The following ZMYM2 variants were observed in gnomAD, a reference collection of about 807,000 sequenced individuals.
ZMYM2 encodes the protein zinc finger MYM-type containing 2, also known as zinc finger MYM-type protein 2.
Under a neutral mutation model 162.8 loss-of-function variants are expected in ZMYM2, and 56 were observed. That is an observed-to-expected ratio of 0.34 (90% CI 0.28 to 0.43). ZMYM2 has a LOEUF of 0.43. ZMYM2 is among the 20% of genes least tolerant of loss of function. The probability of loss-of-function intolerance (pLI) is 1.00; values close to 1 mark genes in which losing one functional copy is unlikely to be tolerated. For synonymous variants in ZMYM2, 510 were observed against 541.6 expected (o/e 0.94, Z 0.81); for missense variants, 1,275 against 1,621.8 (o/e 0.79, Z 3.67).
At chr13:19,974,420 G>A (rs1956602529) in intron 2 of ZMYM2, among the ~76,000 whole-genome samples, 2 of 151,672 alleles carry the variant, frequency 1.3e-5, no homozygotes, top group African/African-American at 4.8e-5. Flanking sequence ...TTTATCCATT[G>A]TGTGTTGAGA....
At chr13:19,958,460 T>C (rs1358638314), upstream of ZMYM2, among the ~76,000 whole-genome samples, 2 of 132,350 alleles carry the variant, frequency 1.5e-5, no homozygotes, top group African/African-American at 5.5e-5. Flanking sequence ...GCAGACCCGG[T>C]GGGTGGGGGC....
In ZMYM2 at chr13:20,051,566, C is replaced by G; in HGVS notation, c.2426C>G (p.Thr809Arg). 2 of 1,612,982 alleles carry G rather than the reference C, an allele frequency of 1.2e-6. No individual in the cohort carries two copies. The highest frequency in any genetic ancestry group is 1.7e-6 in the Non-Finnish European group (2 of 1,179,392). ...FYCQQNEPNM[T>R]TQKGPENLHY... ...TGTCAACAAAATGAGCCCAACATGACAACTCAGAAAGGACCTGAAAACTTA... is the reference window on the plus strand; with the variant it reads ...TGTCAACAAAATGAGCCCAACATGAGAACTCAGAAAGGACCTGAAAACTTA... Residue 809 changes from threonine (T) to arginine (R), a missense_variant, in exon 13 of 25, where the codon ACA (threonine) becomes AGA (arginine). Thr to Arg is a moderately conservative substitution (Grantham distance 71). Transcript: ENST00000610343.
chr13:19,910,120 G>T, the ZMYM2 span, among the ~76,000 whole-genome samples: 1 of 151,812 alleles, frequency 6.6e-6, no homozygotes, highest in African/African-American at 2.4e-5. Context: ...CCAGCTACTC[G>T]GGAGGCTGAG....
the ZMYM2 span, among the ~76,000 whole-genome samples, chr13:19,888,550 T>G: frequency 6.6e-6 from 1 of 151,996 alleles, no homozygotes; most frequent in Non-Finnish European, 1.5e-5. Context: ...TTTTAAAAAC[T>G]ATTAACTTTG....
At chr13:19,949,167 T>C in the ZMYM2 span, among the ~76,000 whole-genome samples, 2 of 151,600 alleles carry the variant, frequency 1.3e-5, no homozygotes, top group African/African-American at 2.4e-5. Context: ...CCCAGCACTT[T>C]GGGAGGCCGA....
rs1594235071 is a variant in ZMYM2 at position 19,993,418 on chromosome 13, A to G, written c.346A>G (p.Thr116Ala). The change falls in exon 3 of 25, where the codon ACA (threonine) becomes GCA (alanine). Residue 116 changes from threonine (T) to alanine (A), a missense_variant. Transcript: ENST00000610343. ...LASQKGSVSE[T>A]IVIDDEEDME... The stretch of plus-strand genomic sequence containing the variant: ...ATCTCAGAAGGGAAGTGTAAGTGAG[A>G]CAATTGTCATTGATGATGAAGAGGA... 6.2e-7 allele frequency: 1 copy of G among 1,613,870 alleles called. No individual in the cohort carries two copies. The highest frequency in any genetic ancestry group is 8.5e-7 in the Non-Finnish European group (1 of 1,179,878).
At chr13:20,044,449 T>C (rs1954572715) in intron 12 of ZMYM2, among the ~76,000 whole-genome samples, 2 of 152,184 alleles carry the variant, frequency 1.3e-5, no homozygotes. Flanking sequence ...CTTCTCTCTG[T>C]CTTCCCTCCT....
the ZMYM2 span, among the ~76,000 whole-genome samples, chr13:19,888,851 G>A: frequency 8.6e-5 from 13 of 151,818 alleles, no homozygotes; most frequent in Admixed American, 3.3e-4. Flanking sequence ...CACCCGCCAC[G>A]GCCTCCCAAA....
At chr13:20,022,368 G>A (rs992526394) in intron 7 of ZMYM2, among the ~76,000 whole-genome samples, 3 of 152,084 alleles carry the variant, frequency 2.0e-5, no homozygotes, top group African/African-American at 2.4e-5. Flanking sequence ...CCTCATAAGC[G>A]GTGTTGTGTC....
Position 20,039,653 on chromosome 13 carries a change from T to C in ZMYM2, c.2292+2744T>C, listed in dbSNP as rs530816206. The stretch of plus-strand genomic sequence containing the variant: ...CATGCCCAGCTAATTTTTTTGTGTG[T>C]TTTTAGTAGAGATGGGATTTCACCA... On this transcript the variant is annotated intron_variant, in intron 12 of 24. Transcript: ENST00000610343. Among the ~76,000 whole-genome samples the C allele has an allele frequency of 2.6e-5, 4 of 152,174 alleles. No individual in the cohort carries two copies. In the South Asian group the frequency reaches 8.3e-4, roughly 32 times the overall value.
intron 3 of ZMYM2, among the ~76,000 whole-genome samples, chr13:19,999,696 A>G (rs766781403): frequency 9.2e-5 from 14 of 152,266 alleles, no homozygotes; most frequent in Non-Finnish European, 1.9e-4. Flanking sequence ...AGAAAGGCTG[A>G]GAGCTAGGCC....
the ZMYM2 span, among the ~76,000 whole-genome samples, chr13:19,877,211 C>CA: frequency 0.78 from 97,627 of 125,906 alleles, 37,965 homozygotes; most frequent in South Asian, 0.89. Flanking sequence ...GACTCCGTCT[C>CA]AAAAAAAAAA....
intron 17 of ZMYM2, among the ~76,000 whole-genome samples, chr13:20,062,452 A>G (rs1466000933): frequency 6.6e-6 from 1 of 152,230 alleles, no homozygotes; most frequent in Non-Finnish European, 1.5e-5. Context: ...GCATATATTG[A>G]ACAATCTGAG....
intron 12 of ZMYM2, among the ~76,000 whole-genome samples, chr13:20,041,170 T>C (rs1266315508): frequency 6.6e-6 from 1 of 152,056 alleles, no homozygotes; most frequent in Non-Finnish European, 1.5e-5. Context: ...CTGATACTGT[T>C]ATTGGAGCAT....
intron 3 of ZMYM2, among the ~76,000 whole-genome samples, chr13:19,996,124 A>G (rs945905890): frequency 2.0e-5 from 3 of 152,038 alleles, no homozygotes; most frequent in Non-Finnish European, 4.4e-5. Context: ...TCTCTGACCC[A>G]TTCTGTCATC....
rs1235522865 is a variant in ZMYM2, at chr13:20,062,934, T to C, written c.3000T>C (p.Tyr1000=). Residue 1000 remains tyrosine, a synonymous_variant, in exon 18 of 25, where the codon TAT becomes TAC. Coordinates refer to ENST00000610343, the MANE Select transcript of ZMYM2 (RefSeq NM_197968.4). ...ETQSSMPDVP[Y]EPDLDIEIDF... ...AGTCCAGCATGCCTGATGTACCATATGAACCAGATTTGGATATCGAAATAG... is the reference window on the plus strand; with the variant it reads ...AGTCCAGCATGCCTGATGTACCATACGAACCAGATTTGGATATCGAAATAG... 1.2e-6 allele frequency: 2 copies of C among 1,604,548 alleles called. No homozygotes were observed. Among genetic ancestry groups the C allele is most frequent in the South Asian group, 1.1e-5 (1 of 89,280 alleles).
chr13:19,927,466 A>C, the ZMYM2 span, among the ~76,000 whole-genome samples: 2 of 152,288 alleles, frequency 1.3e-5, no homozygotes, highest in South Asian at 4.1e-4. Context: ...ATTTTCACTA[A>C]ATATAATGCT....
At chr13:19,901,340 C>T in the ZMYM2 span, among the ~76,000 whole-genome samples, 1 of 152,116 alleles carries the variant, frequency 6.6e-6, no homozygotes, top group African/African-American at 2.4e-5. Context: ...ATGTTCATAG[C>T]AGATTTTTCA....
At chr13:20,084,071 A>G (rs897245106) in intron 24 of ZMYM2, among the ~76,000 whole-genome samples, 6 of 152,162 alleles carry the variant, frequency 3.9e-5, no homozygotes, top group Admixed American at 3.9e-4. Context: ...GTACAGTGGC[A>G]CGTGATCATA....
Sources: gnomAD v4.1 joint callset for allele counts (sites outside exome capture counted in the v4.1 genomes callset) on GRCh38, gnomAD v4.1.1 for gene constraint, MANE v1.5 for transcripts, NCBI Gene and HGNC (gene_info 2026-07-23, HGNC 2026-07-21) for gene names.